Variants in DNAH5 observed in about 807,000 individuals in gnomAD.
The protein encoded by DNAH5 is axonemal beta dynein heavy chain 5.
DNAH5 carries 372 observed loss-of-function variants against 518.2 expected under a neutral mutation model. The observed-to-expected ratio is 0.72, with a 90% confidence interval of 0.66 to 0.78. The LOEUF is 0.78. Among genes scored for constraint, DNAH5 ranks in the 30% least tolerant of loss-of-function variants. The probability of loss-of-function intolerance (pLI) is 0.00; values close to 1 mark genes in which losing one functional copy is unlikely to be tolerated. For synonymous variants in DNAH5, 2,039 were observed against 2,025.9 expected (o/e 1.01, Z -0.17); for missense variants, 5,523 against 5,687.0 (o/e 0.97, Z 0.93).
chr5:13,726,717 A>T (rs1252370426), intron 70 of DNAH5, among the ~76,000 whole-genome samples: 3 of 152,198 alleles, frequency 2.0e-5, no homozygotes, highest in African/African-American at 7.2e-5. Context: ...ACAGTACCTA[A>T]GTGGACTTGG....
intron 3 of DNAH5, among the ~76,000 whole-genome samples, chr5:13,927,289 C>G (rs549326056): frequency 1.3e-5 from 2 of 152,140 alleles, no homozygotes; most frequent in South Asian, 2.1e-4. Context: ...GTCGAGAGAT[C>G]GAGACCATCC....
chr5:13,847,341 T>G (rs1468993533), intron 31 of DNAH5, among the ~76,000 whole-genome samples: 1 of 104,300 alleles, frequency 9.6e-6, no homozygotes, highest in African/African-American at 3.6e-5. Flanking sequence ...AATTTTAGAG[T>G]AGACATTTTC....
At chr5:13,822,802 G>A (rs60915426) in intron 40 of DNAH5, among the ~76,000 whole-genome samples, 62,182 of 149,806 alleles carry the variant, frequency 0.42, 13,048 homozygotes, top group East Asian at 0.62. Flanking sequence ...CCTACCCACC[G>A]TATCCCACCC....
At position 13,914,723 on chromosome 5, in the gene DNAH5, C is replaced by T. The variant is rs72735064; in HGVS notation, c.1198-81G>A. On this transcript the variant is annotated intron_variant, in intron 9 of 78. Transcript: ENST00000265104. ...CTGGACTAGAAGGTCCTTAACTCTTCTACTTCTCAGAGTTCACAATCTTCT... is the reference window on the plus strand; with the variant it reads ...CTGGACTAGAAGGTCCTTAACTCTTTTACTTCTCAGAGTTCACAATCTTCT... The T allele has an allele frequency of 0.069, 96,277 of 1,404,146 alleles. 3,661 individuals carry two copies. The highest frequency in any genetic ancestry group is 0.12 in the Middle Eastern group (494 of 4,274). The allele number at this position is 1,404,146 out of a possible 1,614,324, so 87.0% of individuals were successfully genotyped here.
rs199566466 is a variant in DNAH5 at position 13,921,750 on chromosome 5, A to C, written c.660+357T>G. 6.6e-3 allele frequency among the ~76,000 whole-genome samples: 881 copies of C among 134,136 alleles called. 6 individuals are homozygous for C. The highest frequency in any genetic ancestry group is 0.021 in the South Asian group (84 of 4,088). The allele number at this position is 134,136 out of a possible 152,430, so 88.0% of individuals were successfully genotyped here. The stretch of plus-strand genomic sequence containing the variant: ...CCACCTCCATCTGCCGCCCACACAC[A>C]CCCCCCCACACACACACACACTTCA... On this transcript the variant is annotated intron_variant, in intron 5 of 78. Transcript: ENST00000265104.
chr5:13,852,220 T>C (rs1766975459), intron 30 of DNAH5, among the ~76,000 whole-genome samples: 2 of 152,108 alleles, frequency 1.3e-5, no homozygotes, highest in Non-Finnish European at 2.9e-5. Context: ...CAGGCTGGAG[T>C]GCAACGGTGT....
At chr5:13,857,532 C>CA (rs1437224267) in intron 30 of DNAH5, among the ~76,000 whole-genome samples, 3 of 152,012 alleles carry the variant, frequency 2.0e-5, no homozygotes, top group African/African-American at 7.3e-5. Flanking sequence ...CATATGGAAA[C>CA]AAAAAAGAGT....
intron 1 of DNAH5, among the ~76,000 whole-genome samples, chr5:13,987,619 G>A (rs1208946717): frequency 6.6e-6 from 1 of 152,154 alleles, no homozygotes; most frequent in Non-Finnish European, 1.5e-5. Context: ...TTGGGAGGCT[G>A]AGGAAGGCAG....
At chr5:14,000,011 T>C (rs976502236) in intron 1 of DNAH5, among the ~76,000 whole-genome samples, 2 of 152,256 alleles carry the variant, frequency 1.3e-5, no homozygotes, top group African/African-American at 4.8e-5. Flanking sequence ...AATAGGTTCA[T>C]GCATCATAAT....
Position 13,867,782 on chromosome 5 carries a change from A to G in DNAH5, c.4045T>C (p.Tyr1349His), listed in dbSNP as rs1769493903. The G allele has an allele frequency of 1.9e-5, 31 of 1,613,054 alleles. No individual in the cohort carries two copies. The highest frequency in any genetic ancestry group is 2.5e-5 in the Non-Finnish European group (30 of 1,179,182). The change falls in exon 25 of 79, where the codon TAT (tyrosine) becomes CAT (histidine). Residue 1349 changes from tyrosine to histidine, a missense_variant. Physicochemically the swap from Tyr to His is moderately conservative, Grantham distance 83. Transcript: ENST00000265104. ...GAAAGCCAGAGACATACCAAATCAT[A>G]GTCCAGATAAAACTGGTGACAATCT... ...LQDCHQFYLD[Y>H]DLNGPMASGL...
intron 30 of DNAH5, 129 bp from the exon 31 acceptor site, chr5:13,850,944 A>C: frequency 1.1e-6 from 1 of 877,938 alleles, no homozygotes; most frequent in Non-Finnish European, 1.9e-6. Flanking sequence ...TATATGCCTA[A>C]TGTCACACAC....
At chr5:13,946,359 T>C (rs1779917754), upstream of DNAH5, among the ~76,000 whole-genome samples, 1 of 152,160 alleles carries the variant, frequency 6.6e-6, no homozygotes, top group Non-Finnish European at 1.5e-5. Flanking sequence ...TTCCAGTCTG[T>C]GTGGCTGAAT....
chr5:13,778,491 G>GA (rs1754445877), intron 53 of DNAH5, among the ~76,000 whole-genome samples: 1 of 100,288 alleles, frequency 1.0e-5, no homozygotes, highest in Admixed American at 1.2e-4. Context: ...AGGAAGGAAG[G>GA]AAGGAAGGGA....
At chr5:13,868,108 G>T (rs1242142232) in intron 24 of DNAH5, 116 bp from the exon 25 acceptor site, 2 of 845,788 alleles carry the variant, frequency 2.4e-6, no homozygotes, top group East Asian at 2.6e-5. Context: ...ACTACCCTGA[G>T]AGTTCTAGTT....
At chr5:13,780,251 C>T (rs1204613074) in intron 53 of DNAH5, among the ~76,000 whole-genome samples, 1 of 152,210 alleles carries the variant, frequency 6.6e-6, no homozygotes, top group Non-Finnish European at 1.5e-5. Context: ...CTCCCTCAAG[C>T]TTCAATAGGA....
chr5:13,863,885 C>T (rs114330126), intron 28 of DNAH5, among the ~76,000 whole-genome samples: 1,765 of 152,310 alleles, frequency 0.012, 33 homozygotes, highest in African/African-American at 0.04. Context: ...CCTGCCTCCA[C>T]GCCTCAGCCA....
upstream of DNAH5, among the ~76,000 whole-genome samples, chr5:13,948,107 A>C (rs1780073422): frequency 6.6e-6 from 1 of 152,216 alleles, no homozygotes; most frequent in Non-Finnish European, 1.5e-5. Context: ...CCATGTGAGG[A>C]AGAAATGTGT....
chr5:13,843,681 C>T (rs909963853), intron 32 of DNAH5, among the ~76,000 whole-genome samples: 4 of 152,104 alleles, frequency 2.6e-5, no homozygotes, highest in Non-Finnish European at 4.4e-5. Context: ...CACTTCCGAG[C>T]GCCCACACCT....
intron 58 of DNAH5, among the ~76,000 whole-genome samples, chr5:13,767,652 A>G (rs781506202): frequency 6.6e-6 from 1 of 152,254 alleles, no homozygotes; most frequent in Non-Finnish European, 1.5e-5. Flanking sequence ...AGCTTTAAAA[A>G]TAATTTTCAA....
Sources: gnomAD v4.1 joint callset for allele counts (sites outside exome capture counted in the v4.1 genomes callset) on GRCh38, gnomAD v4.1.1 for gene constraint, MANE v1.5 for transcripts, NCBI Gene and HGNC (gene_info 2026-07-23, HGNC 2026-07-21) for gene names.